The following KCTD16 variants were observed in gnomAD, a reference collection of about 807,000 sequenced individuals.
KCTD16 encodes potassium channel tetramerization domain containing 16.
Under a neutral mutation model 33.2 loss-of-function variants are expected in KCTD16, and 13 were observed. That is an observed-to-expected ratio of 0.39 (90% CI 0.25 to 0.62). The LOEUF (loss-of-function observed/expected upper bound fraction) is 0.62, where lower values mean the gene tolerates loss of function less well. Among genes scored for constraint, KCTD16 ranks in the 20% least tolerant of loss-of-function variants. The pLI, the probability that KCTD16 is intolerant of heterozygous loss-of-function variation, is 0.50. For missense variants in KCTD16, 441 were observed against 525.1 expected (o/e 0.84, Z 1.57); for synonymous variants, 197 against 195.3 (o/e 1.01, Z -0.07).
intron 3 of KCTD16, among the ~76,000 whole-genome samples, chr5:144,429,149 A>C (rs1260071589): frequency 6.6e-6 from 1 of 152,156 alleles, no homozygotes; most frequent in Non-Finnish European, 1.5e-5. Context: ...AAAGTGGAAC[A>C]GATTGATTTT....
At chr5:144,410,127 G>A (rs1752900205) in intron 3 of KCTD16, among the ~76,000 whole-genome samples, 1 of 152,124 alleles carries the variant, frequency 6.6e-6, no homozygotes, top group Non-Finnish European at 1.5e-5. Context: ...TGGATCAGAG[G>A]TTGCAAGGAG....
chr5:144,275,237 C>T (rs892310902), intron 3 of KCTD16, among the ~76,000 whole-genome samples: 2 of 152,138 alleles, frequency 1.3e-5, no homozygotes, highest in Non-Finnish European at 2.9e-5. Context: ...AGGCAGTGAT[C>T]AGGTCTGGAC....
At chr5:144,192,164 A>G (rs1448894033) in intron 2 of KCTD16, among the ~76,000 whole-genome samples, 1 of 152,168 alleles carries the variant, frequency 6.6e-6, no homozygotes, top group African/African-American at 2.4e-5. Flanking sequence ...GTAAGTGAAC[A>G]GTGTTACTCA....
At chr5:144,312,445 A>G (rs771557835) in intron 3 of KCTD16, among the ~76,000 whole-genome samples, 6 of 152,202 alleles carry the variant, frequency 3.9e-5, no homozygotes, top group South Asian at 2.1e-4. Context: ...CCCCTCCTAT[A>G]TAGAAATTCT....
intron 3 of KCTD16, among the ~76,000 whole-genome samples, chr5:144,455,170 G>T (rs763728521): frequency 3.3e-5 from 5 of 151,900 alleles, no homozygotes; most frequent in East Asian, 1.9e-4. Context: ...CAACAGAGGC[G>T]CATTGAGGAG....
At chr5:144,328,108 A>T (rs1752257872) in intron 3 of KCTD16, among the ~76,000 whole-genome samples, 2 of 151,846 alleles carry the variant, frequency 1.3e-5, no homozygotes, top group African/African-American at 4.8e-5. Context: ...AGTGTAGAGC[A>T]GTGCTTTTTA....
intron 3 of KCTD16, among the ~76,000 whole-genome samples, chr5:144,313,369 G>A (rs1201065171): frequency 6.6e-6 from 1 of 152,164 alleles, no homozygotes; most frequent in Non-Finnish European, 1.5e-5. Context: ...CACCCTGTTT[G>A]CAGCACTTTA....
At chr5:144,411,669 CA>C (rs373965959) in intron 3 of KCTD16, among the ~76,000 whole-genome samples, 274 of 152,098 alleles carry the variant, frequency 1.8e-3, no homozygotes, top group African/African-American at 6.4e-3. Flanking sequence ...GGAACAAAAG[CA>C]AAAACCGGCA....
At chr5:144,195,762 C>T (rs562603078) in intron 2 of KCTD16, among the ~76,000 whole-genome samples, 14 of 152,250 alleles carry the variant, frequency 9.2e-5, no homozygotes, top group African/African-American at 1.9e-4. Flanking sequence ...GATTTCATAC[C>T]GAGTAAATGT....
intron 3 of KCTD16, among the ~76,000 whole-genome samples, chr5:144,239,965 AT>A (rs556943384): frequency 1.3e-5 from 2 of 152,040 alleles, no homozygotes; most frequent in South Asian, 4.1e-4. Flanking sequence ...AATTGCTTCC[AT>A]TTTTTTAAGT....
chr5:144,234,351 C>T (rs968367927), intron 3 of KCTD16, among the ~76,000 whole-genome samples: 2 of 152,094 alleles, frequency 1.3e-5, no homozygotes, highest in African/African-American at 2.4e-5. Context: ...AATATATAAT[C>T]GCTTCACACA....
At chr5:144,397,365 G>A (rs375201689) in intron 3 of KCTD16, among the ~76,000 whole-genome samples, 2 of 151,882 alleles carry the variant, frequency 1.3e-5, no homozygotes, top group South Asian at 2.1e-4. Context: ...GCTATTGTGA[G>A]TAGTGCCGCA....
chr5:144,257,750 G>C (rs1323493950), intron 3 of KCTD16, among the ~76,000 whole-genome samples: 2 of 152,134 alleles, frequency 1.3e-5, no homozygotes, highest in African/African-American at 4.8e-5. Flanking sequence ...GCCTCCCAAA[G>C]TGCTGGGATT....
chr5:144,180,964 G>T (rs1395780839), intron 2 of KCTD16, among the ~76,000 whole-genome samples: 2 of 149,316 alleles, frequency 1.3e-5, no homozygotes, highest in Admixed American at 1.3e-4. Flanking sequence ...ACGGAGTCTC[G>T]CTCTGTCGCC....
chr5:144,374,439 A>G (rs761666965), intron 3 of KCTD16, among the ~76,000 whole-genome samples: 6 of 152,188 alleles, frequency 3.9e-5, no homozygotes, highest in Non-Finnish European at 8.8e-5. Context: ...AGCAAGGTTT[A>G]TATTTGAAAT....
intron 3 of KCTD16, among the ~76,000 whole-genome samples, chr5:144,342,399 C>A (rs376800857): frequency 8.6e-5 from 13 of 152,032 alleles, no homozygotes; most frequent in Non-Finnish European, 8.8e-5. Flanking sequence ...TGTATAAGAA[C>A]GCTTGTGATT....
intron 3 of KCTD16, among the ~76,000 whole-genome samples, chr5:144,404,925 C>T (rs1360461876): frequency 6.6e-6 from 1 of 152,160 alleles, no homozygotes; most frequent in African/African-American, 2.4e-5. Context: ...CAGACTTTGG[C>T]TTCCATTCTA....
intron 3 of KCTD16, among the ~76,000 whole-genome samples, chr5:144,350,625 G>A (rs540084936): frequency 1.3e-5 from 2 of 152,132 alleles, no homozygotes; most frequent in South Asian, 4.1e-4. Flanking sequence ...AGACATTTTA[G>A]TTTGGGCTGT....
chr5:144,208,691 T>C (rs895413243), intron 3 of KCTD16, among the ~76,000 whole-genome samples: 1 of 152,226 alleles, frequency 6.6e-6, no homozygotes, highest in Admixed American at 6.5e-5. Context: ...GTTTAATCAT[T>C]TGGCAATGGT....
Sources: allele counts gnomAD v4.1 joint callset (sites outside exome capture counted in the v4.1 genomes callset), GRCh38; gene constraint gnomAD v4.1.1; transcripts MANE v1.5; gene names NCBI Gene and HGNC (gene_info 2026-07-23, HGNC 2026-07-21).